Variants in PPP2R2C observed in about 807,000 individuals in gnomAD.
PPP2R2C encodes protein phosphatase 2, regulatory subunit B, gamma.
In PPP2R2C, 10 loss-of-function variants were observed where a neutral mutation model predicts 45.3. The observed-to-expected ratio is 0.22, with a 90% CI of 0.14 to 0.37. The LOEUF is 0.37. PPP2R2C is among the 10% of genes least tolerant of loss of function. PPP2R2C has a pLI of 1.00. For synonymous variants in PPP2R2C, 257 were observed against 245.4 expected (o/e 1.05, Z -0.44); for missense variants, 308 against 619.7 (o/e 0.50, Z 5.34).
At chr4:6,340,069 C>T (rs982178266) in intron 6 of PPP2R2C, among the ~76,000 whole-genome samples, 1 of 152,138 alleles carries the variant, frequency 6.6e-6, no homozygotes, top group African/African-American at 2.4e-5. Flanking sequence ...CAGGGAGTTC[C>T]TACAATGGCA....
At position 6,510,990 on chromosome 4, in the gene PPP2R2C, C is replaced by CAAA. The variant is rs1389589810; in HGVS notation, c.49+24278_49+24280dup. 3.4e-4 allele frequency among the ~76,000 whole-genome samples: 45 copies of CAAA among 130,894 alleles called. 2 individuals are homozygous for CAAA. Among genetic ancestry groups the CAAA allele is most frequent in the East Asian group, 9.0e-4 (4 of 4,448 alleles). The allele number at this position is 130,894 out of a possible 152,430, so 85.9% of individuals were successfully genotyped here. On this transcript the variant is annotated intron_variant, in intron 2 of 9. Coordinates refer to the PPP2R2C transcript ENST00000506140. ...AGACTCCGTCTCAAACAAAAAAAAA[C>CAAA]AAACAAACAAAAAAAAAAACAGAAA... is the stretch of plus-strand genomic sequence containing the variant.
intron 2 of PPP2R2C, among the ~76,000 whole-genome samples, chr4:6,533,537 G>A (rs139461844): frequency 2.3e-3 from 349 of 152,312 alleles, no homozygotes; most frequent in Middle Eastern, 0.017. Context: ...CCCCATGGCC[G>A]GCACTGGGCC....
At position 6,367,642 on chromosome 4, in the gene PPP2R2C, G is replaced by A. The variant is rs559294690; in HGVS notation, c.625+4881C>T. 1.4e-4 allele frequency among the ~76,000 whole-genome samples: 21 copies of A among 152,120 alleles called. No individual in the cohort carries two copies. In the South Asian group the frequency reaches 2.5e-3, roughly 18 times the overall value. On this transcript the variant is annotated intron_variant, in intron 5 of 8. Coordinates refer to ENST00000382599, the MANE Select transcript of PPP2R2C (RefSeq NM_020416.4). ...AATGAAACGCCTCCTCTCATTACTCGGCTGCTATCAGTCCTCATCGCAGCA... is the reference window on the plus strand; with the variant it reads ...AATGAAACGCCTCCTCTCATTACTCAGCTGCTATCAGTCCTCATCGCAGCA...
At position 6,453,627 on chromosome 4, in the gene PPP2R2C, G is replaced by C. The variant is rs780771176; in HGVS notation, c.70+18533C>G. 7.9e-5 allele frequency among the ~76,000 whole-genome samples: 12 copies of C among 152,210 alleles called. No homozygotes were observed. The East Asian group carries it at 2.3e-3, about 30-fold the overall frequency. Reference sequence around the variant, plus strand: ...GCACCGGGTCTGGGCCCAGACCACCGGGGCTGTAATGGTTTCTCATAAAAC... The same window carrying C: ...GCACCGGGTCTGGGCCCAGACCACCCGGGCTGTAATGGTTTCTCATAAAAC... On this transcript the variant is annotated intron_variant, in intron 1 of 8. Coordinates refer to ENST00000382599, the MANE Select transcript of PPP2R2C (RefSeq NM_020416.4).
Position 6,387,816 on chromosome 4 carries a change from A to C in PPP2R2C, c.71-6722T>G, listed in dbSNP as rs536226516. On this transcript the variant is annotated intron_variant, in intron 1 of 8. Coordinates refer to ENST00000382599, the MANE Select transcript of PPP2R2C (RefSeq NM_020416.4). ...GGGCGACAACAGTGAAGAAAAAAAA[A>C]AAAGAGTGAAGGGCAAAATAAAAAG... is the stretch of plus-strand genomic sequence containing the variant. Among the ~76,000 whole-genome samples the C allele has an allele frequency of 8.6e-5, 13 of 151,784 alleles. No individual in the cohort carries two copies. The South Asian group carries it at 2.7e-3, about 32-fold the overall frequency.
rs1721956079 is a variant in PPP2R2C at position 6,472,419 on chromosome 4, G to C, written c.-190C>G. On this transcript the variant is annotated 5_prime_UTR_variant, in exon 1 of 9. Coordinates refer to ENST00000382599, the MANE Select transcript of PPP2R2C (RefSeq NM_020416.4). ...CCGGGGGCGGGCGCCGCGGTCAAGC[G>C]AGCGCGCGGTGGGCGGGCGGCGGCC... The C allele has an allele frequency of 2.7e-6, 2 of 750,302 alleles. No individual in the cohort carries two copies. Among genetic ancestry groups the C allele is most frequent in the South Asian group, 5.8e-5 (1 of 17,232 alleles). The allele number at this position is 750,302 out of a possible 1,614,324, so 46.5% of individuals were successfully genotyped here. A position where few individuals can be genotyped will look rare whatever the true frequency, so the allele number is the denominator to read the frequency against.
intron 1 of PPP2R2C, among the ~76,000 whole-genome samples, chr4:6,455,175 C>T (rs1286691328): frequency 6.6e-6 from 1 of 152,192 alleles, no homozygotes; most frequent in African/African-American, 2.4e-5. Flanking sequence ...TTCCAAAAAT[C>T]ACCCAAACAA....
chr4:6,326,948 G>C (rs985565429), intron 8 of PPP2R2C, among the ~76,000 whole-genome samples: 3 of 152,204 alleles, frequency 2.0e-5, no homozygotes, highest in African/African-American at 7.2e-5. Flanking sequence ...AGTTTGCTTT[G>C]GTCTGCAAGG....
chr4:6,391,588 C>A (rs1716649025), intron 1 of PPP2R2C, among the ~76,000 whole-genome samples: 1 of 152,224 alleles, frequency 6.6e-6, no homozygotes, highest in African/African-American at 2.4e-5. Context: ...AAAAAGGATT[C>A]CATGATCCCG....
At chr4:6,550,481 C>T (rs1013466136) in intron 1 of PPP2R2C, among the ~76,000 whole-genome samples, 1 of 152,240 alleles carries the variant, frequency 6.6e-6, no homozygotes, top group Non-Finnish European at 1.5e-5. Flanking sequence ...ACCCGAAACA[C>T]GTGCTGTTTC....
rs1333544022 is a variant in PPP2R2C at position 6,394,545 on chromosome 4, G to C, written c.71-13451C>G. Among the ~76,000 whole-genome samples the C allele has an allele frequency of 2.6e-5, 4 of 152,240 alleles. No individual in the cohort carries two copies. In the South Asian group the frequency reaches 8.3e-4, roughly 32 times the overall value. On this transcript the variant is annotated intron_variant, in intron 1 of 8. Transcript: ENST00000382599. Reference sequence around the variant, plus strand: ...TCCTGTCCTGCTTATGTGAGTCAGAGAGACTCTAAGTCTCAGTTTTCCCAT... The same window carrying C: ...TCCTGTCCTGCTTATGTGAGTCAGACAGACTCTAAGTCTCAGTTTTCCCAT...
intron 6 of PPP2R2C, among the ~76,000 whole-genome samples, chr4:6,338,595 A>G (rs768565726): frequency 6.6e-6 from 1 of 152,108 alleles, no homozygotes; most frequent in Non-Finnish European, 1.5e-5. Flanking sequence ...CCCAGTGCCC[A>G]CAGGATCAAG....
chr4:6,454,233 C>G (rs73207826), intron 1 of PPP2R2C, among the ~76,000 whole-genome samples: 2 of 152,024 alleles, frequency 1.3e-5, no homozygotes. Context: ...GGCCAGAGCA[C>G]AGTCTCCTAT....
In PPP2R2C at chr4:6,337,477, G is replaced by A. The variant is rs888296656; in HGVS notation, c.791-3746C>T. Among the ~76,000 whole-genome samples, 5 of 152,052 alleles carry A rather than the reference G, an allele frequency of 3.3e-5. No homozygotes were observed. In the East Asian group the frequency reaches 9.7e-4, roughly 30 times the overall value. On this transcript the variant is annotated intron_variant, in intron 6 of 8. Coordinates refer to ENST00000382599, the MANE Select transcript of PPP2R2C (RefSeq NM_020416.4). The stretch of plus-strand genomic sequence containing the variant: ...GAACTAGGCTTTCTGTCACTTGGAG[G>A]TGAGGCGGAGGTGAGTCCAAAACTG...
intron 1 of PPP2R2C, among the ~76,000 whole-genome samples, chr4:6,395,458 G>A (rs1577143720): frequency 6.6e-6 from 1 of 152,192 alleles, no homozygotes; most frequent in Non-Finnish European, 1.5e-5. Flanking sequence ...CCAGGGTAAG[G>A]CTGGTTTCCA....
At chr4:6,504,584 G>A (rs1051585326) in intron 2 of PPP2R2C, among the ~76,000 whole-genome samples, 2 of 152,096 alleles carry the variant, frequency 1.3e-5, no homozygotes, top group African/African-American at 4.8e-5. Flanking sequence ...AAAATAAGTA[G>A]TCTCAGCAAA....
At chr4:6,498,347 G>T (rs1722937925) in intron 2 of PPP2R2C, among the ~76,000 whole-genome samples, 1 of 152,188 alleles carries the variant, frequency 6.6e-6, no homozygotes, top group African/African-American at 2.4e-5. Flanking sequence ...TAGGACAGTG[G>T]TTACTTTCAT....
Position 6,471,064 on chromosome 4 carries a change from A to G in PPP2R2C, c.70+1096T>C, listed in dbSNP as rs987342653. Among the ~76,000 whole-genome samples the G allele has an allele frequency of 6.6e-6, 1 of 152,098 alleles. No homozygotes were observed. Among genetic ancestry groups the G allele is most frequent in the Non-Finnish European group, 1.5e-5 (1 of 67,986 alleles). On this transcript the variant is annotated intron_variant, in intron 1 of 8. Coordinates refer to ENST00000382599, the MANE Select transcript of PPP2R2C (RefSeq NM_020416.4). The surrounding 1 kb of genome is among the most constrained non-coding windows in gnomAD (Gnocchi z 5.6). ...TCGAGGAGGCGGACCCAGCCGCAGGAGCCCGGTCTCCGCCGCCTGGCCCAC... is the reference window on the plus strand; with the variant it reads ...TCGAGGAGGCGGACCCAGCCGCAGGGGCCCGGTCTCCGCCGCCTGGCCCAC...
At chr4:6,542,987 G>A (rs1314530657) in intron 1 of PPP2R2C, among the ~76,000 whole-genome samples, 3 of 152,260 alleles carry the variant, frequency 2.0e-5, no homozygotes, top group African/African-American at 7.2e-5. Flanking sequence ...AGGGAGGCCT[G>A]CATTTCAAAG....
Sources: allele counts gnomAD v4.1 joint callset (sites outside exome capture counted in the v4.1 genomes callset), GRCh38; gene constraint gnomAD v4.1.1; non-coding constraint Gnocchi (gnomAD v3.1); transcripts MANE v1.5; gene names NCBI Gene and HGNC (gene_info 2026-07-23, HGNC 2026-07-21).